The following RELN variants were observed in gnomAD, a reference collection of about 807,000 sequenced individuals.
RELN encodes the protein reelin.
In RELN, 108 loss-of-function variants were observed where a neutral mutation model predicts 427.6. The observed-to-expected ratio is 0.25, with a 90% CI of 0.22 to 0.30. The LOEUF (loss-of-function observed/expected upper bound fraction) is 0.30, where lower values mean the gene tolerates loss of function less well. Ranked by LOEUF, RELN falls within the 10% of genes least tolerant of loss-of-function variation. The pLI is 1.00. For missense variants in RELN, 3,715 were observed against 4,302.8 expected (o/e 0.86, Z 3.82); for synonymous variants, 1,524 against 1,513.4 (o/e 1.01, Z -0.16).
intron 31 of RELN, among the ~76,000 whole-genome samples, chr7:103,567,478 G>T (rs980609060): frequency 6.6e-6 from 1 of 152,162 alleles, no homozygotes; most frequent in Non-Finnish European, 1.5e-5. Context: ...CAGAGAAAGC[G>T]CAATGTTGAA....
intron 1 of RELN, among the ~76,000 whole-genome samples, chr7:103,943,887 T>C (rs773405269): frequency 3.6e-4 from 53 of 148,750 alleles, no homozygotes; most frequent in Non-Finnish European, 5.8e-4. Flanking sequence ...AAATTACTAG[T>C]TTCCCCACAA....
intron 1 of RELN, among the ~76,000 whole-genome samples, chr7:103,951,648 C>T (rs1796333031): frequency 6.6e-6 from 1 of 151,524 alleles, no homozygotes; most frequent in African/African-American, 2.4e-5. Flanking sequence ...CTTTTGTGCT[C>T]ATGTGATTTA....
Position 103,552,056 on chromosome 7 carries a change from C to T in RELN, c.6073-760G>A, listed in dbSNP as rs569543207. On this transcript the variant is annotated intron_variant, in intron 40 of 64. Coordinates refer to ENST00000428762, the MANE Select transcript of RELN (RefSeq NM_005045.4). The stretch of plus-strand genomic sequence containing the variant: ...TGTGCATTGGATCTCTAGACGTACT[C>T]ATCCTTCATAACTGCAAGCTTGTCT... Among the ~76,000 whole-genome samples, 7 of 152,048 alleles carry T rather than the reference C, an allele frequency of 4.6e-5. No homozygotes were observed. The South Asian group carries it at 6.2e-4, about 14-fold the overall frequency.
At chr7:103,681,665 T>A (rs1473181520) in intron 11 of RELN, among the ~76,000 whole-genome samples, 2 of 152,126 alleles carry the variant, frequency 1.3e-5, no homozygotes, top group Non-Finnish European at 2.9e-5. Context: ...TCCCCCTTTA[T>A]AAATCTCTGG....
Position 103,589,776 on chromosome 7 carries a change from TGAA to T in RELN, c.3962_3964del (p.Leu1321del). 6.2e-7 allele frequency: 1 copy of T among 1,613,728 alleles called. No individual in the cohort carries two copies. The highest frequency in any genetic ancestry group is 8.5e-7 in the Non-Finnish European group (1 of 1,179,612). On this transcript the variant is annotated inframe_deletion, in exon 28 of 65. Coordinates refer to ENST00000428762, the MANE Select transcript of RELN (RefSeq NM_005045.4). Reference sequence around the variant, plus strand: ...GGACATACCAGCATCATGAGAGTACTGAAGAAGAACTGGAGCAGTACTGCTGAA... The same window carrying T: ...GGACATACCAGCATCATGAGAGTACTGAAGAACTGGAGCAGTACTGCTGAA...
intron 6 of RELN, among the ~76,000 whole-genome samples, chr7:103,730,848 A>C (rs574168089): frequency 6.2e-4 from 95 of 152,192 alleles, no homozygotes; most frequent in African/African-American, 2.2e-3. Context: ...TCCCTCTAGG[A>C]GGTCAAATCC....
rs537184515 is a variant in RELN at position 103,980,702 on chromosome 7, A to C, written c.226+8429T>G. Among the ~76,000 whole-genome samples, 24 of 152,296 alleles carry C rather than the reference A, an allele frequency of 1.6e-4. 1 individual carries two copies. In the East Asian group the frequency reaches 3.7e-3, roughly 23 times the overall value. Reference sequence around the variant, plus strand: ...TTTTGTGAAAATTACATGAATTAATATGTGTAAAGCATTTAGCTCAGTGCC... The same window carrying C: ...TTTTGTGAAAATTACATGAATTAATCTGTGTAAAGCATTTAGCTCAGTGCC... On this transcript the variant is annotated intron_variant, in intron 1 of 64. Coordinates refer to ENST00000428762, the MANE Select transcript of RELN (RefSeq NM_005045.4).
At chr7:103,864,636 G>A (rs944678651) in intron 2 of RELN, among the ~76,000 whole-genome samples, 7 of 152,030 alleles carry the variant, frequency 4.6e-5, no homozygotes, top group Middle Eastern at 3.2e-3. Context: ...CCTTAAATAA[G>A]CAACCTAACT....
intron 6 of RELN, among the ~76,000 whole-genome samples, chr7:103,733,886 C>T (rs1365505304): frequency 2.0e-5 from 3 of 151,714 alleles, no homozygotes; most frequent in Non-Finnish European, 2.9e-5. Context: ...CACATGTATA[C>T]GTATGTAACT....
At chr7:103,559,272 A>C (rs2247776) in intron 36 of RELN, among the ~76,000 whole-genome samples, 2 of 152,058 alleles carry the variant, frequency 1.3e-5, no homozygotes, top group Non-Finnish European at 2.9e-5. Flanking sequence ...TTATTAAACT[A>C]TCTTTTGGTT....
intron 41 of RELN, among the ~76,000 whole-genome samples, chr7:103,550,613 CTTTTTT>C (rs556298996): frequency 8.2e-5 from 10 of 122,676 alleles, no homozygotes; most frequent in African/African-American, 3.0e-4. Flanking sequence ...AACGTGCTAA[CTTTTTT>C]TTTTTTTTTT....
At chr7:103,566,060 A>G (rs1264625993) in intron 33 of RELN, among the ~76,000 whole-genome samples, 164 bp downstream of exon 33, 1 of 152,198 alleles carries the variant, frequency 6.6e-6, no homozygotes, top group Non-Finnish European at 1.5e-5. Context: ...CACTAGGATC[A>G]CCAAGTTGTC....
At chr7:103,786,517 CAA>C (rs66567252) in intron 3 of RELN, among the ~76,000 whole-genome samples, 65,085 of 98,446 alleles carry the variant, frequency 0.66, 19,521 homozygotes, top group South Asian at 0.71. Context: ...AAAATGGAAC[CAA>C]AAAAAAAAAA....
chr7:103,931,441 T>C (rs6960627), intron 1 of RELN, among the ~76,000 whole-genome samples: 36,484 of 152,148 alleles, frequency 0.24, 5,642 homozygotes, highest in Non-Finnish European at 0.34. Flanking sequence ...TATCTCAAAA[T>C]AGTTGTGTAC....
chr7:103,571,003 T>C (rs958220727), intron 31 of RELN, among the ~76,000 whole-genome samples: 17 of 152,164 alleles, frequency 1.1e-4, no homozygotes, highest in African/African-American at 4.1e-4. Context: ...GCAAAAATGG[T>C]CTATAAAAGC....
intron 11 of RELN, among the ~76,000 whole-genome samples, chr7:103,675,752 G>A (rs1243212429): frequency 6.6e-6 from 1 of 152,078 alleles, no homozygotes; most frequent in African/African-American, 2.4e-5. Context: ...CAACCATCTG[G>A]TCTTTGACAA....
chr7:103,620,497 A>G lies in RELN; in HGVS notation c.2703-8694T>C, dbSNP rs10244159. On this transcript the variant is annotated intron_variant, in intron 20 of 64. Coordinates refer to ENST00000428762, the MANE Select transcript of RELN (RefSeq NM_005045.4). This position sits in a 1 kb window ranked among gnomAD's most constrained non-coding sequence, Gnocchi z 4.1. ...CACATTTTTTTTTTTTTTTTGAGAT[A>G]GAGTCTCGTCTGTCGCCCAGGCTGG... Among the ~76,000 whole-genome samples, 113,051 of 148,714 alleles carry G rather than the reference A, an allele frequency of 0.76. 43,358 individuals are homozygous for G. The highest frequency in any genetic ancestry group is 0.87 in the African/African-American group (35,084 of 40,388).
intron 46 of RELN, among the ~76,000 whole-genome samples, chr7:103,533,061 C>A (rs1241550314): frequency 6.6e-6 from 1 of 152,150 alleles, no homozygotes; most frequent in Non-Finnish European, 1.5e-5. Flanking sequence ...GACTAGTGAC[C>A]ATTTTAGTTT....
At chr7:103,773,103 T>TC (rs1563004095) in intron 4 of RELN, among the ~76,000 whole-genome samples, 80 of 20,236 alleles carry the variant, frequency 4.0e-3, no homozygotes, top group African/African-American at 0.011. Context: ...TCTCCTCTTT[T>TC]CTTTCTTTCT....
Sources: allele counts gnomAD v4.1 joint callset (sites outside exome capture counted in the v4.1 genomes callset), GRCh38; gene constraint gnomAD v4.1.1; non-coding constraint Gnocchi (gnomAD v3.1); transcripts MANE v1.5; gene names NCBI Gene and HGNC (gene_info 2026-07-23, HGNC 2026-07-21).